The following NXN variants were observed in gnomAD, a reference collection of about 807,000 sequenced individuals.
NXN encodes the protein nucleoredoxin, also known as nucleoredoxin 1.
A neutral mutation model predicts 48.6 loss-of-function variants in NXN; 16 were observed. The ratio of observed to expected loss-of-function variants is 0.33; its 90% CI spans 0.22 to 0.50. NXN has a LOEUF of 0.50. Ranked by LOEUF, NXN falls within the 20% of genes least tolerant of loss-of-function variation. The pLI, the probability that NXN is intolerant of heterozygous loss-of-function variation, is 0.98. For synonymous variants in NXN, 281 were observed against 269.6 expected (o/e 1.04, Z -0.41); for missense variants, 492 against 605.5 (o/e 0.81, Z 1.97).
chr17:823,298 C>A (rs1912917353), intron 3 of NXN, among the ~76,000 whole-genome samples: 2 of 151,602 alleles, frequency 1.3e-5, no homozygotes, highest in African/African-American at 4.9e-5. Flanking sequence ...ACTCTGGAGG[C>A]TGAGGCAGGA....
chr17:955,744 CA>C (rs1364739902), intron 1 of NXN, among the ~76,000 whole-genome samples: 4 of 150,800 alleles, frequency 2.7e-5, no homozygotes, highest in African/African-American at 9.7e-5. Context: ...AAAAAAAATA[CA>C]AAAAAAATTA....
rs757049491 is a variant in NXN, at chr17:845,798, G to A, written c.361-19720C>T. Among the ~76,000 whole-genome samples the A allele has an allele frequency of 9.2e-5, 14 of 152,260 alleles. No individual in the cohort carries two copies. In the East Asian group the frequency reaches 1.3e-3, roughly 15 times the overall value. ...ACCAGGCAAATACGCCGGGTGTGGC[G>A]GCTCACGCCTGTAATCCCAACACTT... On this transcript the variant is annotated intron_variant, in intron 1 of 7. Coordinates refer to ENST00000336868, the MANE Select transcript of NXN (RefSeq NM_022463.5).
intron 1 of NXN, among the ~76,000 whole-genome samples, chr17:973,340 T>C (rs572200570): frequency 6.6e-6 from 1 of 152,270 alleles, no homozygotes; most frequent in African/African-American, 2.4e-5. Flanking sequence ...CAGCAGTCTT[T>C]CAACCTCTAC....
At chr17:850,298 C>T (rs181602741) in intron 1 of NXN, among the ~76,000 whole-genome samples, 1 of 152,262 alleles carries the variant, frequency 6.6e-6, no homozygotes. Flanking sequence ...CCACGAGGTA[C>T]GAGGTACGCA....
chr17:804,357 A>T lies in NXN; in HGVS notation c.1001-551T>A, dbSNP rs866872924. ...GAGTGCAGTGGTGCCATCTGGGCTCACTACAACTTCTGCCTCCCCGGTTCA... is the reference window on the plus strand; with the variant it reads ...GAGTGCAGTGGTGCCATCTGGGCTCTCTACAACTTCTGCCTCCCCGGTTCA... On this transcript the variant is annotated intron_variant, in intron 6 of 7. Transcript: ENST00000336868. Among the ~76,000 whole-genome samples the T allele has an allele frequency of 7.2e-4, 100 of 139,658 alleles. No individual in the cohort carries two copies. In the Middle Eastern group the frequency reaches 0.012, roughly 17 times the overall value. 91.6% of individuals were successfully genotyped at this position (139,658 alleles called of 152,430 possible).
intron 1 of NXN, among the ~76,000 whole-genome samples, chr17:947,530 C>T (rs200902881): frequency 3.0e-4 from 46 of 151,426 alleles, no homozygotes; most frequent in African/African-American, 1.0e-3. Flanking sequence ...GCCAGGAGTT[C>T]GAGACCAGCC....
rs73291543 is a variant in NXN at position 859,477 on chromosome 17, C to A, written c.361-33399G>T. Among the ~76,000 whole-genome samples, 8 of 151,862 alleles carry A rather than the reference C, an allele frequency of 5.3e-5. No individual in the cohort carries two copies. In the South Asian group the frequency reaches 1.7e-3, roughly 32 times the overall value. On this transcript the variant is annotated intron_variant, in intron 1 of 7. Transcript: ENST00000336868. ...ATGTGAAAAGTTGACTTCCCCAAGA[C>A]GTTTATTCAAAAGAAAAAAAAATGG...
At chr17:864,244 T>C in intron 1 of NXN, 1 of 1,201,114 alleles carries the variant, frequency 8.3e-7, no homozygotes, top group Middle Eastern at 1.9e-4. Flanking sequence ...AACTTTTCTG[T>C]AGGTCTGAAA....
chr17:935,835 A>G (rs1462088680), intron 1 of NXN, among the ~76,000 whole-genome samples: 1 of 152,082 alleles, frequency 6.6e-6, no homozygotes, highest in Non-Finnish European at 1.5e-5. Context: ...ACTCACGCCT[A>G]TAATCCCGGC....
chr17:843,553 G>C (rs1316952865), intron 1 of NXN, among the ~76,000 whole-genome samples: 1 of 152,244 alleles, frequency 6.6e-6, no homozygotes, highest in Admixed American at 6.5e-5. Flanking sequence ...TAACAGGCTA[G>C]GGCCATATGT....
intron 5 of NXN, among the ~76,000 whole-genome samples, chr17:810,934 C>T (rs934634486): frequency 5.3e-5 from 8 of 152,110 alleles, no homozygotes; most frequent in East Asian, 1.9e-4. Context: ...ACTGCAAAAC[C>T]GCTCTAAAGG....
chr17:895,613 C>T (rs928581645), intron 1 of NXN, among the ~76,000 whole-genome samples: 5 of 149,014 alleles, frequency 3.4e-5, no homozygotes, highest in African/African-American at 4.9e-5. Context: ...GAGATCAAGA[C>T]CATCCTGGCT....
chr17:959,226 C>A, intron 1 of NXN: 1 of 1,007,014 alleles, frequency 9.9e-7, no homozygotes. Context: ...GACAGGCCTG[C>A]AGATACCCCA....
At chr17:946,454 A>C (rs1042845951) in intron 1 of NXN, among the ~76,000 whole-genome samples, 7 of 152,220 alleles carry the variant, frequency 4.6e-5, no homozygotes, top group Non-Finnish European at 1.0e-4. Flanking sequence ...GGCGTGAGCC[A>C]CCACACCCGG....
intron 1 of NXN, among the ~76,000 whole-genome samples, chr17:834,168 C>T (rs573500582): frequency 6.6e-6 from 1 of 152,264 alleles, no homozygotes; most frequent in South Asian, 2.1e-4. Context: ...CAAAAAAATA[C>T]AAAAATTAGC....
intron 1 of NXN, among the ~76,000 whole-genome samples, chr17:914,796 G>A (rs1434570147): frequency 6.6e-6 from 1 of 152,048 alleles, no homozygotes; most frequent in Non-Finnish European, 1.5e-5. Flanking sequence ...GGCGGAGCTG[G>A]ATGTGGGGAA....
chr17:875,906 G>A (rs1286922818), intron 1 of NXN, among the ~76,000 whole-genome samples: 5 of 152,100 alleles, frequency 3.3e-5, no homozygotes, highest in East Asian at 3.9e-4. Flanking sequence ...TTTTTAGGCC[G>A]GGCACAGTGG....
At chr17:912,786 C>A (rs1052056157) in intron 1 of NXN, among the ~76,000 whole-genome samples, 1 of 152,034 alleles carries the variant, frequency 6.6e-6, no homozygotes, top group Non-Finnish European at 1.5e-5. Context: ...AACCCCGTCT[C>A]TACTAAAAAT....
intron 1 of NXN, among the ~76,000 whole-genome samples, chr17:948,389 T>A (rs973924557): frequency 1.3e-5 from 2 of 151,676 alleles, no homozygotes; most frequent in African/African-American, 4.8e-5. Flanking sequence ...AATAATAAAG[T>A]AAATTGGAGA....
Sources: gnomAD v4.1 joint callset for allele counts (sites outside exome capture counted in the v4.1 genomes callset) on GRCh38, gnomAD v4.1.1 for gene constraint, MANE v1.5 for transcripts, NCBI Gene and HGNC (gene_info 2026-07-23, HGNC 2026-07-21) for gene names.